The following UBAC2 variants were observed in gnomAD, a reference collection of about 807,000 sequenced individuals.
The protein encoded by UBAC2 is UBA domain containing 2.
A neutral mutation model predicts 44.0 loss-of-function variants in UBAC2; 26 were observed. The ratio of observed to expected loss-of-function variants is 0.59; its 90% CI spans 0.43 to 0.82. UBAC2 has a LOEUF of 0.82. UBAC2 is among the 40% of genes least tolerant of loss of function. UBAC2 has a pLI of 0.00. For missense variants in UBAC2, 329 were observed against 419.4 expected, an observed-to-expected ratio of 0.78 and a Z score of 1.88; for synonymous variants, 155 against 154.3, an observed-to-expected ratio of 1.00 and a Z score of -0.04.
intron 4 of UBAC2, among the ~76,000 whole-genome samples, chr13:99,284,018 C>T (rs1227077378): frequency 1.3e-5 from 2 of 152,172 alleles, no homozygotes; most frequent in African/African-American, 2.4e-5. Context: ...CAGGCGTGAG[C>T]CACCACGCCT....
At chr13:99,344,269 C>T (rs569022908) in intron 7 of UBAC2, among the ~76,000 whole-genome samples, 5 of 152,278 alleles carry the variant, frequency 3.3e-5, no homozygotes, top group African/African-American at 1.2e-4. Context: ...GTGTCTGACT[C>T]TGAGGTCTCT....
chr13:99,352,067 T>G (rs1316200160), intron 7 of UBAC2, among the ~76,000 whole-genome samples: 1 of 152,212 alleles, frequency 6.6e-6, no homozygotes, highest in Non-Finnish European at 1.5e-5. Flanking sequence ...TCATCTGAGA[T>G]GTGCACCAGG....
In UBAC2 at chr13:99,349,385, C is replaced by T. The variant is rs1256183712; in HGVS notation, c.807+8820C>T. Among the ~76,000 whole-genome samples the T allele has an allele frequency of 4.6e-5, 7 of 152,056 alleles. No homozygotes were observed. In the South Asian group the frequency reaches 6.2e-4, roughly 14 times the overall value. ...GCTTAGCAGGTGTTCTCCCCATGTG[C>T]GGAGATGAGATTGTAATAAATAAAG... On this transcript the variant is annotated intron_variant, in intron 7 of 8. Coordinates refer to ENST00000403766, the MANE Select transcript of UBAC2 (RefSeq NM_001144072.2).
chr13:99,270,437 T>C (rs2043800740), intron 4 of UBAC2, among the ~76,000 whole-genome samples: 1 of 152,234 alleles, frequency 6.6e-6, no homozygotes, highest in African/African-American at 2.4e-5. Flanking sequence ...GTCACATTTA[T>C]AGTCATCAGC....
chr13:99,275,288 C>T (rs778356507), intron 4 of UBAC2, among the ~76,000 whole-genome samples: 20 of 152,124 alleles, frequency 1.3e-4, no homozygotes, highest in Non-Finnish European at 2.6e-4. Flanking sequence ...GGCAGGAAGC[C>T]TCAGCTCCTC....
At chr13:99,363,636 C>T (rs1433047524) in intron 7 of UBAC2, among the ~76,000 whole-genome samples, 2 of 152,238 alleles carry the variant, frequency 1.3e-5, no homozygotes, top group Admixed American at 6.5e-5. Context: ...TCTTCCTGGT[C>T]GGCCCATATT....
chr13:99,322,076 A>C (rs980422599), intron 6 of UBAC2, among the ~76,000 whole-genome samples: 1 of 152,234 alleles, frequency 6.6e-6, no homozygotes, highest in African/African-American at 2.4e-5. Flanking sequence ...ATGTTGCAAA[A>C]TTGTAATTGG....
rs190124346 is a variant in UBAC2 at position 99,371,864 on chromosome 13, G to A, written c.927+3958G>A. On this transcript the variant is annotated intron_variant, in intron 8 of 8. Coordinates refer to ENST00000403766, the MANE Select transcript of UBAC2 (RefSeq NM_001144072.2). ...GAAAGCAGAATATTCTAAGAAGAAT[G>A]TGCATCCTTTAATAAATCCAATAGT... 8.5e-4 allele frequency among the ~76,000 whole-genome samples: 130 copies of A among 152,338 alleles called. 1 individual carries two copies. The highest frequency in any genetic ancestry group is 1.3e-3 in the Non-Finnish European group (90 of 68,034).
intron 4 of UBAC2, among the ~76,000 whole-genome samples, chr13:99,264,564 G>A (rs1024358173): frequency 3.3e-5 from 5 of 152,004 alleles, no homozygotes; most frequent in African/African-American, 4.8e-5. Flanking sequence ...AGCTGTGCAG[G>A]AGCCCAGCAT....
intron 4 of UBAC2, among the ~76,000 whole-genome samples, chr13:99,274,181 C>T (rs1254574765): frequency 6.6e-6 from 1 of 152,118 alleles, no homozygotes; most frequent in Admixed American, 6.5e-5. Flanking sequence ...TTAAACTTTA[C>T]ATAATAGAGA....
chr13:99,364,147 T>A (rs562186327), intron 7 of UBAC2, among the ~76,000 whole-genome samples: 11 of 136,968 alleles, frequency 8.0e-5, no homozygotes, highest in African/African-American at 2.9e-4. Flanking sequence ...TTGTTTGGGT[T>A]TGGTTTTTGT....
chr13:99,332,656 A>G (rs2044732459), intron 6 of UBAC2, among the ~76,000 whole-genome samples: 1 of 152,174 alleles, frequency 6.6e-6, no homozygotes. Context: ...CCAAGTGCTC[A>G]AACTCCAACT....
chr13:99,285,589 G>A (rs890567348), intron 4 of UBAC2, among the ~76,000 whole-genome samples: 16 of 151,864 alleles, frequency 1.1e-4, no homozygotes, highest in African/African-American at 3.1e-4. Flanking sequence ...ACAACGTCTC[G>A]TTATGTTGCC....
rs1338022774 is a variant in UBAC2, at chr13:99,315,366, C to G, written c.513+1146C>G. Among the ~76,000 whole-genome samples, 4 of 152,208 alleles carry G rather than the reference C, an allele frequency of 2.6e-5. No individual in the cohort carries two copies. In the South Asian group the frequency reaches 6.2e-4, roughly 24 times the overall value. On this transcript the variant is annotated intron_variant, in intron 5 of 8. Transcript: ENST00000403766. ...AGACCTCCCTCAGGAGACCCAAGTTCTAGTCCTAGCATGGCTGTCTCCAGC... is the reference window on the plus strand; with the variant it reads ...AGACCTCCCTCAGGAGACCCAAGTTGTAGTCCTAGCATGGCTGTCTCCAGC...
chr13:99,204,592 G>A (rs926042514), intron 1 of UBAC2, among the ~76,000 whole-genome samples: 5 of 152,078 alleles, frequency 3.3e-5, no homozygotes, highest in African/African-American at 9.7e-5. Flanking sequence ...GGAAGTAGGG[G>A]GACACCCGGG....
At chr13:99,379,193 C>T (rs1198962088) in intron 8 of UBAC2, among the ~76,000 whole-genome samples, 1 of 152,224 alleles carries the variant, frequency 6.6e-6, no homozygotes, top group Non-Finnish European at 1.5e-5. Context: ...TGCAAGTTTA[C>T]GCTTATGCAT....
chr13:99,348,176 G>A (rs571276823), intron 7 of UBAC2, among the ~76,000 whole-genome samples: 3 of 152,316 alleles, frequency 2.0e-5, no homozygotes, highest in African/African-American at 7.2e-5. Flanking sequence ...TTGGAGGACA[G>A]GAGCTGTTGT....
intron 1 of UBAC2, among the ~76,000 whole-genome samples, chr13:99,208,588 TC>T (rs2042902457): frequency 6.6e-6 from 1 of 152,202 alleles, no homozygotes; most frequent in Admixed American, 6.5e-5. Flanking sequence ...GATTAGACTT[TC>T]CCCCCTTTTT....
intron 6 of UBAC2, among the ~76,000 whole-genome samples, chr13:99,319,184 G>A (rs189839528): frequency 1.4e-4 from 21 of 152,126 alleles, no homozygotes; most frequent in East Asian, 7.7e-4. Flanking sequence ...AATAATAAGC[G>A]TTTGTCCTAA....
Sources: allele counts gnomAD v4.1 joint callset (sites outside exome capture counted in the v4.1 genomes callset), GRCh38; gene constraint gnomAD v4.1.1; transcripts MANE v1.5; gene names NCBI Gene and HGNC (gene_info 2026-07-23, HGNC 2026-07-21).